Variants in IRF2 observed in about 807,000 individuals in gnomAD.
IRF2 encodes interferon regulatory factor 2.
IRF2 carries 15 observed loss-of-function variants against 40.6 expected under a neutral mutation model. That is an observed-to-expected ratio of 0.37 (90% CI 0.25 to 0.57). IRF2 has a LOEUF of 0.57. IRF2 is among the 20% of genes least tolerant of loss of function. The pLI is 0.77. For missense variants in IRF2, 317 were observed against 455.7 expected, an observed-to-expected ratio of 0.70 and a Z score of 2.77; for synonymous variants, 151 against 165.5, an observed-to-expected ratio of 0.91 and a Z score of 0.67.
At chr4:184,467,036 T>G (rs1476463103) in intron 1 of IRF2, among the ~76,000 whole-genome samples, 4 of 152,214 alleles carry the variant, frequency 2.6e-5, no homozygotes, top group Non-Finnish European at 4.4e-5. Flanking sequence ...TAAGGTGACT[T>G]CAGCCATGTC....
At chr4:184,425,707 G>A (rs1321255209) in intron 2 of IRF2, among the ~76,000 whole-genome samples, 1 of 152,240 alleles carries the variant, frequency 6.6e-6, no homozygotes, top group East Asian at 1.9e-4. Context: ...GGTAAGGACT[G>A]CCTGAAAGGG....
At chr4:184,456,107 C>T (rs905383584) in intron 1 of IRF2, among the ~76,000 whole-genome samples, 3 of 152,246 alleles carry the variant, frequency 2.0e-5, no homozygotes, top group Non-Finnish European at 4.4e-5. Flanking sequence ...CCCACCATCA[C>T]TGATCACACT....
At chr4:184,456,969 C>T (rs1249296638) in intron 1 of IRF2, among the ~76,000 whole-genome samples, 1 of 152,244 alleles carries the variant, frequency 6.6e-6, no homozygotes, top group Non-Finnish European at 1.5e-5. Flanking sequence ...TCAATGCCAT[C>T]AAGGCAGCCG....
Position 184,448,450 on chromosome 4 carries a change from A to G in IRF2, c.-6-19380T>C, listed in dbSNP as rs1011532161. On this transcript the variant is annotated intron_variant, in intron 1 of 8. Coordinates refer to ENST00000393593, the MANE Select transcript of IRF2 (RefSeq NM_002199.4). This position sits in a 1 kb window ranked among gnomAD's most constrained non-coding sequence, Gnocchi z 4.3. ...AGGAGTGATGGTCCATAATTCATTT[A>G]AATTGTTCAGTTGTGTAGAAGAGGA... is the stretch of plus-strand genomic sequence containing the variant. 6.6e-6 allele frequency among the ~76,000 whole-genome samples: 1 copy of G among 152,232 alleles called. No homozygotes were observed. The highest frequency in any genetic ancestry group is 2.4e-5 in the African/African-American group (1 of 41,454).
In IRF2 at chr4:184,448,665, C is replaced by T. The variant is rs3822120; in HGVS notation, c.-6-19595G>A. 2 of 152,142 alleles carry T rather than the reference C, an allele frequency of 1.3e-5. No homozygotes were observed. The highest frequency in any genetic ancestry group is 6.5e-5 in the Admixed American group (1 of 15,278). 9.4% of individuals were successfully genotyped at this position (152,142 alleles called of 1,614,324 possible). Reference sequence around the variant, plus strand: ...CTCAAAGTTAAGGTGGAAGAAAAACCGCCAGAAGTGCCATCGCTGGGTCAC... The same window carrying T: ...CTCAAAGTTAAGGTGGAAGAAAAACTGCCAGAAGTGCCATCGCTGGGTCAC... On this transcript the variant is annotated intron_variant, in intron 1 of 8. Transcript: ENST00000393593. The surrounding 1 kb of genome is among the most constrained non-coding windows in gnomAD (Gnocchi z 4.3).
At chr4:184,395,290 G>A (rs1736405748) in intron 7 of IRF2, among the ~76,000 whole-genome samples, 2 of 151,910 alleles carry the variant, frequency 1.3e-5, no homozygotes, top group South Asian at 4.1e-4. Context: ...GTGGGTGCCT[G>A]TAGTCCCAGC....
In IRF2 at chr4:184,408,400, A is replaced by C; in HGVS notation, c.412-125T>G. 2 of 691,818 alleles carry C rather than the reference A, an allele frequency of 2.9e-6. No individual in the cohort carries two copies. The highest frequency in any genetic ancestry group is 5.2e-6 in the Non-Finnish European group (2 of 388,140). The allele number at this position is 691,818 out of a possible 1,614,324, so 42.9% of individuals were successfully genotyped here. ...TCATTCATGTTCAGCTGCCGAATAC[A>C]TTCATCCCCTGCTTCTTTAAACTGG... On this transcript the variant is annotated intron_variant, in intron 5 of 8. Coordinates refer to ENST00000393593, the MANE Select transcript of IRF2 (RefSeq NM_002199.4). The surrounding 1 kb of genome is among the most constrained non-coding windows in gnomAD (Gnocchi z 4.9).
intron 1 of IRF2, among the ~76,000 whole-genome samples, chr4:184,469,415 G>A (rs923850458): frequency 6.6e-6 from 1 of 152,218 alleles, no homozygotes; most frequent in African/African-American, 2.4e-5. Context: ...AGTGGCTCAC[G>A]CCTATAATCC....
At chr4:184,450,844 G>C (rs1738688193) in intron 1 of IRF2, among the ~76,000 whole-genome samples, 1 of 151,994 alleles carries the variant, frequency 6.6e-6, no homozygotes, top group Non-Finnish European at 1.5e-5. Flanking sequence ...GCATTTGTTT[G>C]TTTGTTTGTT....
intron 5 of IRF2, among the ~76,000 whole-genome samples, chr4:184,415,700 GA>G (rs1737242499): frequency 6.6e-6 from 1 of 152,200 alleles, no homozygotes; most frequent in Admixed American, 6.5e-5. Context: ...AAAGTGTGTT[GA>G]AAAGGCAACA....
intron 1 of IRF2, among the ~76,000 whole-genome samples, chr4:184,444,967 C>A (rs1443609496): frequency 6.6e-6 from 1 of 152,180 alleles, no homozygotes; most frequent in African/African-American, 2.4e-5. Context: ...TTTTAACCAT[C>A]AGGGCAATCA....
intron 6 of IRF2, among the ~76,000 whole-genome samples, chr4:184,401,958 A>G (rs144319191): frequency 3.9e-3 from 601 of 152,302 alleles, no homozygotes; most frequent in Non-Finnish European, 7.6e-3. Context: ...CTTTGTTCCA[A>G]CCAGGAATTC....
rs1255269065 is a variant in IRF2 at position 184,448,337 on chromosome 4, CT to C, written c.-6-19268del. 1.3e-5 allele frequency among the ~76,000 whole-genome samples: 2 copies of C among 152,206 alleles called. No individual in the cohort carries two copies. Among genetic ancestry groups the C allele is most frequent in the Admixed American group, 1.3e-4 (2 of 15,278 alleles). ...TATTAATAAGCACATGCATCAATCA[CT>C]TTATCTATCCATCCATAAGGGGCAG... On this transcript the variant is annotated intron_variant, in intron 1 of 8. Coordinates refer to ENST00000393593, the MANE Select transcript of IRF2 (RefSeq NM_002199.4). This position sits in a 1 kb window ranked among gnomAD's most constrained non-coding sequence, Gnocchi z 4.3.
Position 184,413,124 on chromosome 4 carries a change from G to T in IRF2, c.412-4849C>A, listed in dbSNP as rs542957861. Among the ~76,000 whole-genome samples the T allele has an allele frequency of 1.8e-4, 28 of 152,304 alleles. No homozygotes were observed. Among genetic ancestry groups the T allele is most frequent in the African/African-American group, 6.3e-4 (26 of 41,566 alleles). ...CCTCCGTACCCTCTTCCACTTTCTGGAGAAATGTCTCCTCCCTCCATGCCA... is the reference window on the plus strand; with the variant it reads ...CCTCCGTACCCTCTTCCACTTTCTGTAGAAATGTCTCCTCCCTCCATGCCA... On this transcript the variant is annotated intron_variant, in intron 5 of 8. Coordinates refer to ENST00000393593, the MANE Select transcript of IRF2 (RefSeq NM_002199.4). The surrounding 1 kb of genome is among the most constrained non-coding windows in gnomAD (Gnocchi z 4.2).
rs142194773 is a variant in IRF2, at chr4:184,411,995, C to T, written c.412-3720G>A. On this transcript the variant is annotated intron_variant, in intron 5 of 8. Coordinates refer to ENST00000393593, the MANE Select transcript of IRF2 (RefSeq NM_002199.4). Reference sequence around the variant, plus strand: ...CTTGGCTTTTAATTTTCTCCCCTTGCTCCAAAGATTAAAAAAAAAAAAAAA... The same window carrying T: ...CTTGGCTTTTAATTTTCTCCCCTTGTTCCAAAGATTAAAAAAAAAAAAAAA... 4.8e-4 allele frequency among the ~76,000 whole-genome samples: 65 copies of T among 136,200 alleles called. No homozygotes were observed. The East Asian group carries it at 9.4e-3, about 20-fold the overall frequency. The allele number at this position is 136,200 out of a possible 152,430, so 89.4% of individuals were successfully genotyped here.
rs1353017634 is a variant in IRF2, at chr4:184,418,643, T to C, written c.253A>G (p.Met85Val). Residue 85 changes from methionine (M) to valine (V), a missense_variant, in exon 4 of 9, where the codon ATG becomes GTG. Physicochemically the swap from Met to Val is conservative, Grantham distance 21. Transcript: ENST00000393593. The stretch of plus-strand genomic sequence containing the variant: ...TCTTCAATATCAGGCAAGGAATTCA[T>C]GGCGCATCTGAAATTCGCCTTCCAT... ...KTWKANFRCA[M>V]NSLPDIEEVK... The C allele has an allele frequency of 6.2e-7, 1 of 1,614,154 alleles. No individual in the cohort carries two copies.
Position 184,424,118 on chromosome 4 carries a change from A to AT in IRF2, c.88-4551_88-4550insA, listed in dbSNP as rs1737583706. Among the ~76,000 whole-genome samples, 3 of 152,318 alleles carry AT rather than the reference A, an allele frequency of 2.0e-5. No individual in the cohort carries two copies. In the South Asian group the frequency reaches 6.2e-4, roughly 32 times the overall value. ...GCAAAATATTCATACATCTAGATAC[A>AT]GGCATATGAAAATTTGCTATCCTAT... On this transcript the variant is annotated intron_variant, in intron 2 of 8. Transcript: ENST00000393593.
rs986440750 is a variant in IRF2 at position 184,448,657 on chromosome 4, AG to A, written c.-6-19588del. The stretch of plus-strand genomic sequence containing the variant: ...TGCCTCACCTCAAAGTTAAGGTGGA[AG>A]AAAAACCGCCAGAAGTGCCATCGCT... On this transcript the variant is annotated intron_variant, in intron 1 of 8. Transcript: ENST00000393593. The surrounding 1 kb of genome is among the most constrained non-coding windows in gnomAD (Gnocchi z 4.3). 4 of 152,230 alleles carry A rather than the reference AG, an allele frequency of 2.6e-5. No individual in the cohort carries two copies. The highest frequency in any genetic ancestry group is 9.6e-5 in the African/African-American group (4 of 41,464). 9.4% of individuals were successfully genotyped at this position (152,230 alleles called of 1,614,324 possible).
rs116481608 is a variant in IRF2, at chr4:184,407,485, C to T, written c.529+673G>A. Among the ~76,000 whole-genome samples, 1,097 of 152,244 alleles carry T rather than the reference C, an allele frequency of 7.2e-3. 14 individuals carry two copies. Among genetic ancestry groups the T allele is most frequent in the African/African-American group, 0.024 (1,008 of 41,534 alleles). On this transcript the variant is annotated intron_variant, in intron 6 of 8. Transcript: ENST00000393593. ...ACATCTGGAAGTTGTTCAACTGTTA[C>T]GAAGGAGGGAAAACACTGCTCCTCT...
Sources: allele counts gnomAD v4.1 joint callset (sites outside exome capture counted in the v4.1 genomes callset), GRCh38; gene constraint gnomAD v4.1.1; non-coding constraint Gnocchi (gnomAD v3.1); transcripts MANE v1.5; gene names NCBI Gene and HGNC (gene_info 2026-07-23, HGNC 2026-07-21).